POU2F2: variants seen among roughly 807,000 people sequenced by gnomAD.
POU2F2 encodes POU class 2 homeobox 2.
In POU2F2, 14 loss-of-function variants were observed where a neutral mutation model predicts 63.5. The observed-to-expected ratio is 0.22, with a 90% confidence interval of 0.15 to 0.34. The LOEUF (loss-of-function observed/expected upper bound fraction) is 0.34. Among genes scored for constraint, POU2F2 ranks in the 10% least tolerant of loss-of-function variants. POU2F2 has a pLI of 1.00. For synonymous variants in POU2F2, 306 were observed against 348.6 expected (o/e 0.88, Z 1.36); for missense variants, 607 against 815.2 (o/e 0.74, Z 3.11).
At chr19:42,184,450 A>C (rs73033410) in intron 1 of POU2F2, among the ~76,000 whole-genome samples, 1,738 of 152,146 alleles carry the variant, frequency 0.011, 33 homozygotes, top group Non-Finnish European at 0.014. Context: ...CCCTGCCCAC[A>C]TCTCCAAGAG....
At chr19:42,132,665 CG>C (rs1338013878), upstream of POU2F2, 26 of 399,816 alleles carry the variant, frequency 6.5e-5, no homozygotes, top group Non-Finnish European at 1.1e-4. Flanking sequence ...CCTACGGCTG[CG>C]ATCCAAGAGG....
intron 1 of POU2F2, among the ~76,000 whole-genome samples, chr19:42,130,347 T>G (rs989411033): frequency 1.1e-4 from 17 of 152,050 alleles, no homozygotes; most frequent in African/African-American, 3.6e-4. Context: ...AGTCACCTTA[T>G]CCTGGAAGAT....
chr19:42,132,460 C>T (rs766101522), upstream of POU2F2: 1 of 1,423,904 alleles, frequency 7.0e-7, no homozygotes. Context: ...ATCTCCCCAC[C>T]CTCTCTGGGG....
upstream of POU2F2, among the ~76,000 whole-genome samples, chr19:42,197,016 G>A (rs2035157339): frequency 6.6e-6 from 1 of 152,224 alleles, no homozygotes; most frequent in South Asian, 2.1e-4. Context: ...ATTCAAATGA[G>A]GCCAGGAGAC....
rs531611124 is a variant in POU2F2, at chr19:42,091,170, G to A, written c.*87C>T. 40 of 1,310,262 alleles carry A rather than the reference G, an allele frequency of 3.1e-5. No individual in the cohort carries two copies. The highest frequency in any genetic ancestry group is 1.4e-4 in the South Asian group (9 of 65,704). 81.2% of individuals were successfully genotyped at this position (1,310,262 alleles called of 1,614,324 possible). On this transcript the variant is annotated 3_prime_UTR_variant, in exon 15 of 15. Transcript: ENST00000692977. ...CACTCCTGCTCTGAGGACCCTCTGC[G>A]TCCCCACCACTGGCCTCCTCGCCCT...
upstream of POU2F2, among the ~76,000 whole-genome samples, chr19:42,179,714 A>G (rs2034939203): frequency 6.8e-6 from 1 of 148,026 alleles, no homozygotes; most frequent in Non-Finnish European, 1.5e-5. Context: ...GTGTATGGAG[A>G]ACGCTCCCAA....
At chr19:42,193,728 G>A (rs1018699381) in intron 1 of POU2F2, among the ~76,000 whole-genome samples, 4 of 152,140 alleles carry the variant, frequency 2.6e-5, no homozygotes, top group South Asian at 2.1e-4. Flanking sequence ...CCATGCATAC[G>A]CATACCTATG....
Position 42,117,147 on chromosome 19 carries a change from G to C in POU2F2, c.369+103C>G. On this transcript the variant is annotated intron_variant, in intron 5 of 14. Transcript: ENST00000692977. This position sits in a 1 kb window ranked among gnomAD's most constrained non-coding sequence, Gnocchi z 4.4. ...AGAAGAGGGCAAGAGGCAGGTGTGA[G>C]AGAGTGGCCATGGCCTTGGTGGAAC... The C allele has an allele frequency of 1.0e-6, 1 of 966,954 alleles. No individual in the cohort carries two copies. Among genetic ancestry groups the C allele is most frequent in the Admixed American group, 2.5e-5 (1 of 39,342 alleles). The allele number at this position is 966,954 out of a possible 1,614,324, so 59.9% of individuals were successfully genotyped here. A position where few individuals can be genotyped will look rare whatever the true frequency, so the allele number is the denominator to read the frequency against.
At chr19:42,195,097 GGA>G in intron 1 of POU2F2, among the ~76,000 whole-genome samples, 2 of 80,772 alleles carry the variant, frequency 2.5e-5, no homozygotes, top group South Asian at 1.2e-3. Context: ...AAGGGAGGAA[GGA>G]AGGGAGGGAG....
In POU2F2 at chr19:42,097,433, G is replaced by A. The variant is rs573060313; in HGVS notation, c.568-1190C>T. On this transcript the variant is annotated intron_variant, in intron 7 of 14. Coordinates refer to ENST00000692977, the MANE Select transcript of POU2F2 (RefSeq NM_001394376.1). ...GCTGGTCTCGAACTCCCGACCTCAGGTGATCCACCCGCTTTGGCCTCCCAA... is the reference window on the plus strand; with the variant it reads ...GCTGGTCTCGAACTCCCGACCTCAGATGATCCACCCGCTTTGGCCTCCCAA... Among the ~76,000 whole-genome samples, 6 of 151,666 alleles carry A rather than the reference G, an allele frequency of 4.0e-5. No individual in the cohort carries two copies. In the South Asian group the frequency reaches 1.3e-3, roughly 32 times the overall value.
chr19:42,147,939 A>G (rs138746193), intron 2 of POU2F2, among the ~76,000 whole-genome samples: 1 of 152,294 alleles, frequency 6.6e-6, no homozygotes, highest in African/African-American at 2.4e-5. Context: ...AGAGGAGGAA[A>G]TAAGGCTCAG....
intron 1 of POU2F2, among the ~76,000 whole-genome samples, chr19:42,194,554 T>A (rs2035108790): frequency 6.7e-6 from 1 of 148,904 alleles, no homozygotes; most frequent in Admixed American, 6.7e-5. Flanking sequence ...AGATCAGGAG[T>A]TCGAGACCAG....
chr19:42,104,164 C>T (rs1356894081), intron 5 of POU2F2, among the ~76,000 whole-genome samples: 1 of 152,094 alleles, frequency 6.6e-6, no homozygotes, highest in African/African-American at 2.4e-5. Flanking sequence ...ACTGCAATTG[C>T]ACTGAGATAT....
intron 2 of POU2F2, among the ~76,000 whole-genome samples, chr19:42,140,821 T>C (rs1402318475): frequency 6.6e-6 from 1 of 152,232 alleles, no homozygotes; most frequent in African/African-American, 2.4e-5. Context: ...TGAACCTTAC[T>C]TGTTGAATGA....
At chr19:42,191,501 C>T (rs1173142882) in intron 1 of POU2F2, among the ~76,000 whole-genome samples, 1 of 144,122 alleles carries the variant, frequency 6.9e-6, no homozygotes, top group African/African-American at 3.0e-5. Context: ...ACCCTGCCCA[C>T]ACCTCTGCAA....
At chr19:42,160,134 C>A (rs1412557693) in intron 2 of POU2F2, among the ~76,000 whole-genome samples, 1 of 152,110 alleles carries the variant, frequency 6.6e-6, no homozygotes, top group Non-Finnish European at 1.5e-5. Flanking sequence ...CACCAAGAAC[C>A]ACTGGTTTGG....
intron 1 of POU2F2, among the ~76,000 whole-genome samples, chr19:42,172,345 A>G (rs1422521998): frequency 6.6e-6 from 1 of 152,126 alleles, no homozygotes; most frequent in Non-Finnish European, 1.5e-5. Flanking sequence ...GTGCCTAGCG[A>G]TCATTTTCAG....
intron 1 of POU2F2, among the ~76,000 whole-genome samples, chr19:42,171,348 G>A (rs1195003104): frequency 1.3e-5 from 2 of 152,012 alleles, no homozygotes; most frequent in Non-Finnish European, 2.9e-5. Context: ...AAGGGGATAG[G>A]AAGTCAGCAG....
upstream of POU2F2, chr19:42,177,034 G>T (rs1229216156): frequency 6.6e-6 from 1 of 151,856 alleles, no homozygotes; most frequent in Non-Finnish European, 1.5e-5. Flanking sequence ...GGGCGGGCAG[G>T]GGCTGCGAGG....
Sources: allele counts gnomAD v4.1 joint callset (sites outside exome capture counted in the v4.1 genomes callset), GRCh38; gene constraint gnomAD v4.1.1; non-coding constraint Gnocchi (gnomAD v3.1); transcripts MANE v1.5; gene names NCBI Gene and HGNC (gene_info 2026-07-23, HGNC 2026-07-21).